The following HS3ST4 variants were observed in gnomAD, a reference collection of about 807,000 sequenced individuals.
HS3ST4 encodes the protein heparan sulfate glucosamine 3-O-sulfotransferase 4.
Under a neutral mutation model 29.2 loss-of-function variants are expected in HS3ST4, and 17 were observed. That is an observed-to-expected ratio of 0.58 (90% CI 0.40 to 0.87). The LOEUF (loss-of-function observed/expected upper bound fraction) is 0.87. Ranked by LOEUF, HS3ST4 falls within the 40% of genes least tolerant of loss-of-function variation. The pLI is 0.00. For missense variants in HS3ST4, 627 were observed against 634.5 expected (o/e 0.99, Z 0.13); for synonymous variants, 314 against 285.7 (o/e 1.10, Z -1.00).
intron 1 of HS3ST4, among the ~76,000 whole-genome samples, chr16:25,966,040 G>A (rs372812650): frequency 6.6e-6 from 1 of 152,118 alleles, no homozygotes; most frequent in African/African-American, 2.4e-5. Flanking sequence ...CATTTGTTGA[G>A]AGCCTTCATA....
chr16:25,801,129 G>A (rs1966929274), intron 1 of HS3ST4, among the ~76,000 whole-genome samples: 1 of 152,100 alleles, frequency 6.6e-6, no homozygotes, highest in African/African-American at 2.4e-5. Context: ...TAATGTTGAT[G>A]CCGCTGGTCT....
At chr16:26,052,100 T>G (rs1043144889) in intron 1 of HS3ST4, among the ~76,000 whole-genome samples, 2 of 152,050 alleles carry the variant, frequency 1.3e-5, no homozygotes, top group Non-Finnish European at 2.9e-5. Flanking sequence ...CTATAGATCA[T>G]AAGATCCCCA....
At chr16:25,988,466 C>A (rs1284477381) in intron 1 of HS3ST4, among the ~76,000 whole-genome samples, 1 of 152,220 alleles carries the variant, frequency 6.6e-6, no homozygotes, top group Non-Finnish European at 1.5e-5. Flanking sequence ...CATTTAAATT[C>A]ATGGTGACCT....
At chr16:26,098,509 T>TC (rs1370096579) in intron 1 of HS3ST4, among the ~76,000 whole-genome samples, 14 of 152,126 alleles carry the variant, frequency 9.2e-5, no homozygotes, top group Non-Finnish European at 1.8e-4. Flanking sequence ...CTGCATGTTC[T>TC]CACTCATGGG....
At chr16:26,109,623 G>A (rs147837456) in intron 1 of HS3ST4, among the ~76,000 whole-genome samples, 15 of 151,718 alleles carry the variant, frequency 9.9e-5, no homozygotes, top group South Asian at 2.1e-4. Context: ...GCCTTGGATC[G>A]TTTCTCATCC....
intron 1 of HS3ST4, among the ~76,000 whole-genome samples, chr16:25,857,683 G>A (rs1268024039): frequency 6.6e-6 from 1 of 151,962 alleles, no homozygotes; most frequent in Non-Finnish European, 1.5e-5. Context: ...GCCTGGGTTG[G>A]TATCATTTTT....
At chr16:25,699,057 G>T (rs1363439088) in intron 1 of HS3ST4, among the ~76,000 whole-genome samples, 1 of 152,178 alleles carries the variant, frequency 6.6e-6, no homozygotes, top group Non-Finnish European at 1.5e-5. Context: ...ATTGGCAACA[G>T]ATTTAAGTTT....
At chr16:25,888,430 A>T (rs1967976358) in intron 1 of HS3ST4, among the ~76,000 whole-genome samples, 1 of 152,144 alleles carries the variant, frequency 6.6e-6, no homozygotes, top group Non-Finnish European at 1.5e-5. Context: ...TAGTTTTCAG[A>T]AGCTTCAGGT....
intron 1 of HS3ST4, among the ~76,000 whole-genome samples, chr16:25,828,242 C>CTGTCTGTCTTTCTTTCTTTCTTTCTT (rs1371928058): frequency 2.7e-5 from 2 of 75,016 alleles, no homozygotes; most frequent in Non-Finnish European, 2.5e-5. Context: ...TTCTTTCTTT[C>CTGTCTGTCTTTCTTTCTTTCTTTCTT]TCTTTCTTTC....
At chr16:26,100,172 C>T (rs1480696548) in intron 1 of HS3ST4, among the ~76,000 whole-genome samples, 1 of 152,120 alleles carries the variant, frequency 6.6e-6, no homozygotes, top group African/African-American at 2.4e-5. Context: ...GGCTGAAAAA[C>T]AACCTATCGA....
intron 1 of HS3ST4, among the ~76,000 whole-genome samples, chr16:25,911,550 A>C (rs1417827103): frequency 8.5e-6 from 1 of 117,074 alleles, no homozygotes; most frequent in African/African-American, 3.4e-5. Context: ...TCTGTCGCCC[A>C]GGCTGGAGTG....
intron 1 of HS3ST4, among the ~76,000 whole-genome samples, chr16:25,735,882 A>G (rs1490812790): frequency 6.6e-6 from 1 of 152,230 alleles, no homozygotes; most frequent in Non-Finnish European, 1.5e-5. Context: ...GCCTCAGACA[A>G]TGCAGAACTG....
intron 1 of HS3ST4, among the ~76,000 whole-genome samples, chr16:26,068,953 A>T (rs1228510773): frequency 6.6e-6 from 1 of 152,086 alleles, no homozygotes. Context: ...TATATTATTT[A>T]TTTATGTATT....
At chr16:26,079,588 CCT>C (rs1204018151) in intron 1 of HS3ST4, among the ~76,000 whole-genome samples, 1 of 152,126 alleles carries the variant, frequency 6.6e-6, no homozygotes. Context: ...CATTATTATC[CCT>C]GTTATACAAA....
At chr16:26,059,712 A>G (rs1405327806) in intron 1 of HS3ST4, among the ~76,000 whole-genome samples, 1 of 152,220 alleles carries the variant, frequency 6.6e-6, no homozygotes, top group African/African-American at 2.4e-5. Flanking sequence ...TGGTTACTCC[A>G]GGAAGGTGAA....
In HS3ST4 at chr16:25,754,322, A is replaced by G. The variant is rs75818933; in HGVS notation, c.734+61171A>G. Reference sequence around the variant, plus strand: ...CAGCTACCCATCCACTTATCCATCCATCCACCCACCCACCCATCCATTCAT... The same window carrying G: ...CAGCTACCCATCCACTTATCCATCCGTCCACCCACCCACCCATCCATTCAT... On this transcript the variant is annotated intron_variant, in intron 1 of 1. Coordinates refer to ENST00000331351, the MANE Select transcript of HS3ST4 (RefSeq NM_006040.3). Among the ~76,000 whole-genome samples, 42 of 151,890 alleles carry G rather than the reference A, an allele frequency of 2.8e-4. No homozygotes were observed. In the East Asian group the frequency reaches 8.2e-3, roughly 30 times the overall value.
chr16:26,061,434 T>C (rs1898475159), intron 1 of HS3ST4, among the ~76,000 whole-genome samples: 1 of 152,176 alleles, frequency 6.6e-6, no homozygotes, highest in South Asian at 2.1e-4. Context: ...ATCTCTTCTT[T>C]CTTCAAACTC....
At chr16:25,757,802 A>G (rs1483794024) in intron 1 of HS3ST4, among the ~76,000 whole-genome samples, 1 of 152,004 alleles carries the variant, frequency 6.6e-6, no homozygotes, top group East Asian at 1.9e-4. Context: ...TTAGAGAATC[A>G]AAACTTCTAG....
At chr16:25,967,389 C>A (rs1968852068) in intron 1 of HS3ST4, among the ~76,000 whole-genome samples, 1 of 152,070 alleles carries the variant, frequency 6.6e-6, no homozygotes, top group Admixed American at 6.5e-5. Context: ...CTCTTGACCT[C>A]GTGATCCGCC....
Sources: allele counts gnomAD v4.1 joint callset (sites outside exome capture counted in the v4.1 genomes callset), GRCh38; gene constraint gnomAD v4.1.1; transcripts MANE v1.5; gene names NCBI Gene and HGNC (gene_info 2026-07-23, HGNC 2026-07-21).